The following ZNF827 variants were observed in gnomAD, a reference collection of about 807,000 sequenced individuals.
ZNF827 encodes zinc finger protein 827.
In ZNF827, 13 loss-of-function variants were observed where a neutral mutation model predicts 102.4. That is an observed-to-expected ratio of 0.13 (90% confidence interval 0.08 to 0.20). The LOEUF is 0.20. Ranked by LOEUF, ZNF827 falls within the 10% of genes least tolerant of loss-of-function variation. The pLI is 1.00. For missense variants in ZNF827, 1,103 were observed against 1,344.4 expected (o/e 0.82, Z 2.81); for synonymous variants, 523 against 536.2 (o/e 0.98, Z 0.34).
chr4:145,779,626 G>T (rs1008913817), intron 8 of ZNF827, 115 bp from the exon 9 acceptor site: 4 of 1,389,012 alleles, frequency 2.9e-6, no homozygotes, highest in Non-Finnish European at 3.9e-6. Flanking sequence ...GCTAGTAATT[G>T]CAAATGAGTC....
chr4:145,821,890 G>C (rs935224773), intron 8 of ZNF827, among the ~76,000 whole-genome samples: 2 of 152,146 alleles, frequency 1.3e-5, no homozygotes, highest in African/African-American at 4.8e-5. Flanking sequence ...ATACTGCCAA[G>C]CCAAACATAA....
chr4:145,873,170 C>T (rs555076402), intron 4 of ZNF827, among the ~76,000 whole-genome samples: 138 of 152,030 alleles, frequency 9.1e-4, no homozygotes, highest in Non-Finnish European at 1.2e-3. Context: ...TTCCTGACCT[C>T]GTGATCCACC....
At position 145,765,203 on chromosome 4, in the gene ZNF827, C is replaced by A. The variant is rs200006496; in HGVS notation, c.3053-38G>T. 5.7e-5 allele frequency: 89 copies of A among 1,550,700 alleles called. No individual in the cohort carries two copies. The East Asian group carries it at 1.8e-3, about 31-fold the overall frequency. ...AAGCTGGGTATAGAGGTGCACAGGG[C>A]AGCGGGGAGAGGAGGGCAGGAGTGG... On this transcript the variant is annotated intron_variant, in intron 12 of 14. Coordinates refer to ENST00000508784, the MANE Select transcript of ZNF827 (RefSeq NM_001306215.2). This position sits in a 1 kb window ranked among gnomAD's most constrained non-coding sequence, Gnocchi z 4.7.
chr4:145,804,763 T>G (rs578032549), intron 8 of ZNF827, among the ~76,000 whole-genome samples: 1 of 152,340 alleles, frequency 6.6e-6, no homozygotes, highest in Non-Finnish European at 1.5e-5. Context: ...TATTAGGTAC[T>G]ATTTCCATGA....
At chr4:145,883,647 G>A (rs946152437) in intron 4 of ZNF827, among the ~76,000 whole-genome samples, 1 of 152,162 alleles carries the variant, frequency 6.6e-6, no homozygotes, top group Non-Finnish European at 1.5e-5. Flanking sequence ...CCCTGTTCTC[G>A]CTCAACTTCC....
chr4:145,831,592 T>C (rs2126546050), intron 7 of ZNF827: 1 of 152,370 alleles, frequency 6.6e-6, no homozygotes, highest in East Asian at 1.9e-4. Context: ...TCCAATTCCG[T>C]TGATGCGGCT....
At chr4:145,777,421 C>T (rs1737289400) in intron 9 of ZNF827, among the ~76,000 whole-genome samples, 1 of 152,176 alleles carries the variant, frequency 6.6e-6, no homozygotes, top group African/African-American at 2.4e-5. Context: ...ATTTCTGGAC[C>T]TGATGCCTTT....
At chr4:145,870,551 G>C in intron 4 of ZNF827, 73 bp from the exon 5 acceptor site, 2 of 1,297,498 alleles carry the variant, frequency 1.5e-6, no homozygotes, top group Non-Finnish European at 2.2e-6. Context: ...GGTACTTCAC[G>C]AAGTATGGAA....
intron 5 of ZNF827, among the ~76,000 whole-genome samples, chr4:145,863,721 G>T (rs950086197): frequency 1.0e-4 from 15 of 145,600 alleles, no homozygotes; most frequent in Admixed American, 3.5e-4. Flanking sequence ...TTGCCTGGGT[G>T]GGGGGTGGAG....
chr4:145,914,764 A>G (rs186851513), intron 1 of ZNF827, among the ~76,000 whole-genome samples: 259 of 152,366 alleles, frequency 1.7e-3, no homozygotes, highest in Admixed American at 3.1e-3. Context: ...TTCTCTTTGA[A>G]GAATCCTGAA....
chr4:145,928,946 A>G (rs986968758), intron 1 of ZNF827, among the ~76,000 whole-genome samples: 1 of 152,210 alleles, frequency 6.6e-6, no homozygotes, highest in African/African-American at 2.4e-5. Flanking sequence ...CACCGACTAC[A>G]GCAGATTGCT....
chr4:145,849,390 G>T lies in ZNF827; in HGVS notation c.2153C>A (p.Pro718Gln), dbSNP rs372700399. ...LQKMPEGRVP[P>Q]ERNLFSQDIS... ...ATCCTGACTGAAGAGGTTTCTCTCT[G>T]GGGGTACTCTGCCCTCTGGCATCTT... Residue 718 changes from proline (P) to glutamine (Q), a missense_variant, in exon 6 of 15, where the codon CCA becomes CAA. This residue lies in a region of ZNF827 where 243 missense variants were observed against 251.6 expected (regional missense o/e 0.97). Coordinates refer to ENST00000508784, the MANE Select transcript of ZNF827 (RefSeq NM_001306215.2). 6.2e-7 allele frequency: 1 copy of T among 1,613,998 alleles called. No homozygotes were observed. The highest frequency in any genetic ancestry group is 8.5e-7 in the Non-Finnish European group (1 of 1,180,020).
At chr4:145,802,031 T>G (rs867491198) in intron 8 of ZNF827, among the ~76,000 whole-genome samples, 2 of 152,170 alleles carry the variant, frequency 1.3e-5, no homozygotes, top group African/African-American at 4.8e-5. Context: ...GTCCCTTATC[T>G]AATACACCGA....
At chr4:145,801,181 T>G (rs1178499430) in intron 8 of ZNF827, among the ~76,000 whole-genome samples, 1 of 152,206 alleles carries the variant, frequency 6.6e-6, no homozygotes, top group African/African-American at 2.4e-5. Flanking sequence ...CCTCTATGTA[T>G]GAATAGGATT....
chr4:145,920,897 G>A (rs577296976), intron 1 of ZNF827, among the ~76,000 whole-genome samples: 31 of 152,264 alleles, frequency 2.0e-4, no homozygotes, highest in African/African-American at 6.5e-4. Flanking sequence ...ATCAGTTACT[G>A]TTATGTGCAA....
chr4:145,769,332 T>TA (rs1735896487), intron 11 of ZNF827, among the ~76,000 whole-genome samples: 2 of 152,200 alleles, frequency 1.3e-5, no homozygotes, highest in South Asian at 4.1e-4. Context: ...CCAGCTTAGT[T>TA]ACATTTTCTA....
intron 1 of ZNF827, among the ~76,000 whole-genome samples, chr4:145,922,495 A>C (rs1753140747): frequency 6.6e-6 from 1 of 152,216 alleles, no homozygotes; most frequent in Non-Finnish European, 1.5e-5. Flanking sequence ...ACTAACACAC[A>C]AACACAAAAA....
intron 11 of ZNF827, among the ~76,000 whole-genome samples, chr4:145,772,508 A>G (rs1736437142): frequency 6.6e-6 from 1 of 152,188 alleles, no homozygotes; most frequent in East Asian, 1.9e-4. Flanking sequence ...GGCTCAAATG[A>G]GCCTCCTGTT....
intron 8 of ZNF827, among the ~76,000 whole-genome samples, chr4:145,789,404 A>AGAC (rs760057673): frequency 1.7e-4 from 26 of 152,336 alleles, no homozygotes; most frequent in Non-Finnish European, 3.1e-4. Flanking sequence ...TATATTAAGG[A>AGAC]GACAGTACAT....
Sources: gnomAD v4.1 joint callset for allele counts (sites outside exome capture counted in the v4.1 genomes callset) on GRCh38, gnomAD v4.1.1 for gene constraint, gnomAD v4.1.1 regional missense constraint, Gnocchi (gnomAD v3.1) non-coding constraint, MANE v1.5 for transcripts, NCBI Gene and HGNC (gene_info 2026-07-23, HGNC 2026-07-21) for gene names.